The following TRPM1 variants were observed in gnomAD, a reference collection of about 807,000 sequenced individuals.
TRPM1 encodes TRPM1-203 APA Isoform, Intron 10.
TRPM1 carries 113 observed loss-of-function variants against 149.4 expected under a neutral mutation model. The ratio of observed to expected loss-of-function variants is 0.76; its 90% CI spans 0.65 to 0.88. TRPM1 has a LOEUF of 0.88. Ranked by LOEUF, TRPM1 falls within the 40% of genes least tolerant of loss-of-function variation. TRPM1 has a pLI of 0.00. For synonymous variants in TRPM1, 741 were observed against 759.5 expected (o/e 0.98, Z 0.40); for missense variants, 1,976 against 2,038.7 (o/e 0.97, Z 0.59).
At chr15:31,153,687 T>G (rs2036332211) in intron 1 of TRPM1, among the ~76,000 whole-genome samples, 1 of 152,136 alleles carries the variant, frequency 6.6e-6, no homozygotes, top group African/African-American at 2.4e-5. Context: ...GTGAATCCAC[T>G]TATCATCTGG....
intron 1 of TRPM1, among the ~76,000 whole-genome samples, chr15:31,149,078 C>A (rs867932475): frequency 6.6e-6 from 1 of 152,232 alleles, no homozygotes; most frequent in African/African-American, 2.4e-5. Context: ...CGTGACCAAC[C>A]TTTCTAAAGT....
intron 1 of TRPM1, among the ~76,000 whole-genome samples, chr15:31,146,903 G>A (rs749567628): frequency 6.6e-5 from 10 of 151,896 alleles, no homozygotes; most frequent in Non-Finnish European, 1.5e-4. Context: ...CAGGAGAATC[G>A]CTTGAACCCA....
At chr15:31,133,558 T>TGTA (rs879725823) in intron 1 of TRPM1, among the ~76,000 whole-genome samples, 25 of 152,264 alleles carry the variant, frequency 1.6e-4, no homozygotes, top group Admixed American at 1.5e-3. Context: ...GGCACATGGC[T>TGTA]GTAGTCCCAG....
intron 1 of TRPM1, among the ~76,000 whole-genome samples, chr15:31,148,593 C>T (rs2036253254): frequency 1.3e-5 from 2 of 152,146 alleles, no homozygotes; most frequent in African/African-American, 4.8e-5. Context: ...TCAAAAACTC[C>T]CATGCCTCAC....
At chr15:31,043,354 G>T (rs941436113) in intron 16 of TRPM1, among the ~76,000 whole-genome samples, 4 of 152,038 alleles carry the variant, frequency 2.6e-5, no homozygotes, top group Non-Finnish European at 5.9e-5. Flanking sequence ...CACCACGCCC[G>T]GCTAATTTTT....
In TRPM1 at chr15:31,027,019, G is replaced by C; in HGVS notation, c.3392C>G (p.Pro1131Arg). 6.2e-7 allele frequency: 1 copy of C among 1,614,182 alleles called. No individual in the cohort carries two copies. Among genetic ancestry groups the C allele is most frequent in the Non-Finnish European group, 8.5e-7 (1 of 1,180,036 alleles). ...GATGTGGCTTAAAATGATCATCGGT[G>C]GGGGCAGGACTGGCCTGTCATGAAA... ...MTFHDRPVLP[P>R]PMIILSHIYI... The change falls in exon 26 of 28, where the codon CCA becomes CGA. Residue 1131 changes from proline (P) to arginine (R), a missense_variant. By Grantham distance (103) the Pro-to-Arg change is moderately radical (BLOSUM62 -2). Around this residue, in one of 3 missense-constraint regions of TRPM1, gnomAD observed 72 missense variants for 112.7 expected, o/e 0.64. Transcript: ENST00000256552.
chr15:31,120,288 A>G (rs1241335883), intron 1 of TRPM1, among the ~76,000 whole-genome samples: 1 of 152,134 alleles, frequency 6.6e-6, no homozygotes, highest in Non-Finnish European at 1.5e-5. Context: ...AGAAAAATGG[A>G]ACTTATTGGG....
chr15:31,028,613 G>A (rs1404238451), intron 24 of TRPM1, 137 bp from the exon 25 acceptor site: 2 of 1,171,978 alleles, frequency 1.7e-6, no homozygotes, highest in Non-Finnish European at 2.4e-6. Context: ...TTTTTCCATG[G>A]GAAAAAATAA....
intron 9 of TRPM1, 51 bp from the exon 10 acceptor site, chr15:31,061,565 A>G (rs1195320512): frequency 1.3e-6 from 2 of 1,507,694 alleles, no homozygotes; most frequent in East Asian, 4.5e-5. Flanking sequence ...CAAGAAGGAG[A>G]TATGGGGTGT....
Position 31,047,258 on chromosome 15 carries a change from A to G in TRPM1, c.1624-7T>C, listed in dbSNP as rs565068292. 7.4e-6 allele frequency: 12 copies of G among 1,614,172 alleles called. No homozygotes were observed. The African/African-American group carries it at 8.0e-5, about 11-fold the overall frequency. ...AATCAGGCGGAAGGTTGCTCTGTAA[A>G]AGAAGTCTGGTCTCAGGCCCTGTGA... is the stretch of plus-strand genomic sequence containing the variant. On this transcript the variant is annotated splice_region_variant and splice_polypyrimidine_tract_variant and intron_variant, in intron 14 of 27. Transcript: ENST00000256552.
At chr15:31,003,948 A>C (rs1371908759) in intron 27 of TRPM1, among the ~76,000 whole-genome samples, 1 of 151,784 alleles carries the variant, frequency 6.6e-6, no homozygotes, top group African/African-American at 2.4e-5. Context: ...ACTTTGTTTT[A>C]TATTTTACTA....
intron 1 of TRPM1, among the ~76,000 whole-genome samples, chr15:31,153,112 G>GA (rs1177015201): frequency 6.6e-6 from 1 of 152,208 alleles, no homozygotes; most frequent in African/African-American, 2.4e-5. Flanking sequence ...CTGTTGTGGG[G>GA]AAAATCTACA....
intron 21 of TRPM1, among the ~76,000 whole-genome samples, chr15:31,035,160 C>A (rs796993341): frequency 4.6e-5 from 7 of 152,288 alleles, no homozygotes; most frequent in African/African-American, 1.4e-4. Flanking sequence ...AACTGCCACA[C>A]GACCGGCTAA....
intron 16 of TRPM1, 108 bp from the exon 17 acceptor site, chr15:31,042,351 C>T: frequency 8.7e-7 from 1 of 1,144,116 alleles, no homozygotes; most frequent in South Asian, 1.4e-5. Context: ...AATAAAGAGA[C>T]TTCTGAAGTA....
rs7179304 is a variant in TRPM1 at position 31,041,757 on chromosome 15, A to G, written c.2087+194T>C. ...TTGATGCAAAGAGAAGGCAGTACAC[A>G]AAAACAACGACAGTCCAAAAACACC... On this transcript the variant is annotated intron_variant, in intron 17 of 27. Transcript: ENST00000256552. 0.82 allele frequency among the ~76,000 whole-genome samples: 124,224 copies of G among 152,214 alleles called. 50,900 individuals are homozygous for G. Among genetic ancestry groups the G allele is most frequent in the East Asian group, 0.95 (4,953 of 5,190 alleles).
chr15:31,067,717 A>G (rs2034419045), intron 5 of TRPM1, among the ~76,000 whole-genome samples, 162 bp downstream of exon 5: 1 of 152,206 alleles, frequency 6.6e-6, no homozygotes. Flanking sequence ...AGTCATATCA[A>G]AGTAAAAAAC....
chr15:31,052,810 G>GA (rs1567021033), intron 11 of TRPM1, among the ~76,000 whole-genome samples: 3 of 152,058 alleles, frequency 2.0e-5, no homozygotes, highest in Non-Finnish European at 4.4e-5. Flanking sequence ...AAAATGCTTA[G>GA]AAGAAAACAT....
chr15:31,114,022 T>C (rs1032459577), intron 1 of TRPM1, among the ~76,000 whole-genome samples: 2 of 152,202 alleles, frequency 1.3e-5, no homozygotes, highest in African/African-American at 4.8e-5. Flanking sequence ...GAGTGCTGAT[T>C]GGTCCATTTT....
chr15:31,072,125 A>C (rs2034577518), intron 3 of TRPM1, among the ~76,000 whole-genome samples: 1 of 151,490 alleles, frequency 6.6e-6, no homozygotes, highest in South Asian at 2.1e-4. Flanking sequence ...TCATCACCTC[A>C]AAAAGAAACT....
Sources: gnomAD v4.1 joint callset for allele counts (sites outside exome capture counted in the v4.1 genomes callset) on GRCh38, gnomAD v4.1.1 for gene constraint, gnomAD v4.1.1 regional missense constraint, MANE v1.5 for transcripts, NCBI Gene and HGNC (gene_info 2026-07-23, HGNC 2026-07-21) for gene names.